Variants in WDR59 observed in about 807,000 individuals in gnomAD.
The protein encoded by WDR59 is WD repeat domain 59.
In WDR59, 100 loss-of-function variants were observed where a neutral mutation model predicts 131.2. That is an observed-to-expected ratio of 0.76 (90% CI 0.65 to 0.90). WDR59 has a LOEUF of 0.90. Ranked by LOEUF, WDR59 falls within the 40% of genes least tolerant of loss-of-function variation. The pLI, the probability that WDR59 is intolerant of heterozygous loss-of-function variation, is 0.00. For missense variants in WDR59, 1,203 were observed against 1,262.2 expected (o/e 0.95, Z 0.71); for synonymous variants, 601 against 466.2 (o/e 1.29, Z -3.72).
Position 74,874,326 on chromosome 16 carries a change from A to G in WDR59, c.2808T>C (p.Asn936=). Residue 936 remains asparagine (N), a synonymous_variant, in exon 26 of 26, where the codon AAT becomes AAC. Coordinates refer to ENST00000262144, the MANE Select transcript of WDR59 (RefSeq NM_030581.4). The stretch of plus-strand genomic sequence containing the variant: ...CACCGTGCCCACAGGTCAGGCAGAA[A>G]TTGGACGATCCCCGCACAGCCACGT... ...ICHVAVRGSS[N]FCLTCGHGGH... is the part of the protein sequence containing the mutation. 1 of 1,614,160 alleles carries G rather than the reference A, an allele frequency of 6.2e-7. No individual in the cohort carries two copies. Among genetic ancestry groups the G allele is most frequent in the Admixed American group, 1.7e-5 (1 of 60,022 alleles).
intron 13 of WDR59, chr16:74,915,577 A>ATT (rs57977057): frequency 3.2e-4 from 61 of 189,972 alleles, no homozygotes; most frequent in South Asian, 4.1e-4. Flanking sequence ...TTACAGGCTA[A>ATT]TTTTTTTTTT....
chr16:74,886,364 A>G lies in WDR59; in HGVS notation c.2452T>C (p.Trp818Arg). Residue 818 changes from tryptophan to arginine, a missense_variant, in exon 24 of 26, where the codon TGG (tryptophan) becomes CGG (arginine). Physicochemically the swap from Trp to Arg is moderately radical, Grantham distance 101. Coordinates refer to ENST00000262144, the MANE Select transcript of WDR59 (RefSeq NM_030581.4). The part of the protein sequence containing the change: ...GREAEHLSSP[W>R]GESSPEELRF... ...AGCTCTTCTGGTGAGGATTCTCCCC[A>G]AGGGGAGGACAAGTGCTCTGCCTCT... 1 of 1,613,832 alleles carries G rather than the reference A, an allele frequency of 6.2e-7. No homozygotes were observed. The highest frequency in any genetic ancestry group is 8.5e-7 in the Non-Finnish European group (1 of 1,179,952).
rs1303944826 is a variant in WDR59, at chr16:74,873,652, C to CA, written c.*556dup. The CA allele has an allele frequency of 2.7e-5, 4 of 146,246 alleles. No homozygotes were observed. Among genetic ancestry groups the CA allele is most frequent in the South Asian group, 2.2e-4 (1 of 4,630 alleles). 9.1% of individuals were successfully genotyped at this position (146,246 alleles called of 1,614,324 possible). A position where few individuals can be genotyped will look rare whatever the true frequency, so the allele number is the denominator to read the frequency against. On this transcript the variant is annotated 3_prime_UTR_variant, in exon 26 of 26. Coordinates refer to ENST00000262144, the MANE Select transcript of WDR59 (RefSeq NM_030581.4). ...GGGATAGCAGCTGGAGGAGAAATAA[C>CA]AAAAAAATACATCTTAAGAATCCTT...
intron 6 of WDR59, 32 bp from the exon 7 acceptor site, chr16:74,942,858 G>A (rs1371316548): frequency 1.3e-6 from 2 of 1,596,754 alleles, no homozygotes; most frequent in Non-Finnish European, 8.6e-7. Context: ...GAAAGCTGCT[G>A]CCCTTGGTGC....
intron 1 of WDR59, among the ~76,000 whole-genome samples, chr16:74,975,147 G>A (rs1258818537): frequency 6.6e-6 from 1 of 152,160 alleles, no homozygotes; most frequent in Non-Finnish European, 1.5e-5. Flanking sequence ...GATCACCTGA[G>A]GTCAGGAGTT....
At chr16:74,885,501 C>T (rs1195047507) in intron 25 of WDR59, 152 bp downstream of exon 25, 2 of 549,288 alleles carry the variant, frequency 3.6e-6, no homozygotes, top group East Asian at 9.8e-5. Context: ...AATGCAAGGG[C>T]TTTTCAGATG....
At chr16:74,911,326 G>A (rs886660561) in intron 14 of WDR59, among the ~76,000 whole-genome samples, 1 of 152,154 alleles carries the variant, frequency 6.6e-6, no homozygotes, top group Non-Finnish European at 1.5e-5. Flanking sequence ...TGGCATTTCA[G>A]AGATCCTTAA....
At chr16:74,914,129 G>A (rs893690776) in intron 13 of WDR59, among the ~76,000 whole-genome samples, 35 of 152,048 alleles carry the variant, frequency 2.3e-4, no homozygotes, top group Non-Finnish European at 8.8e-5. Flanking sequence ...GGAGAATCGC[G>A]TGAACCCGAG....
At position 74,916,529 on chromosome 16, in the gene WDR59, G is replaced by C. The variant is rs545185044; in HGVS notation, c.967-270C>G. Among the ~76,000 whole-genome samples the C allele has an allele frequency of 3.9e-5, 6 of 152,228 alleles. No individual in the cohort carries two copies. In the South Asian group the frequency reaches 1.2e-3, roughly 32 times the overall value. ...GAAAAAAAATTAATTTAAACTCCAA[G>C]CTTTGATGGAGTTATTCAGCTAATC... is the stretch of plus-strand genomic sequence containing the variant. On this transcript the variant is annotated intron_variant, in intron 11 of 25. Transcript: ENST00000262144.
chr16:74,973,323 C>G (rs1364521771), intron 1 of WDR59, among the ~76,000 whole-genome samples: 4 of 151,986 alleles, frequency 2.6e-5, no homozygotes, highest in African/African-American at 9.7e-5. Context: ...GGCGGGGGGG[C>G]CGGTCTCTCT....
chr16:74,981,139 G>C (rs2145261596), intron 1 of WDR59, among the ~76,000 whole-genome samples: 1 of 151,932 alleles, frequency 6.6e-6, no homozygotes, highest in East Asian at 1.9e-4. Flanking sequence ...GCTGAGGCGG[G>C]CGGATCACAA....
Position 74,873,959 on chromosome 16 carries a change from CAT to C in WDR59, c.*248_*249del, listed in dbSNP as rs1964078159. On this transcript the variant is annotated 3_prime_UTR_variant, in exon 26 of 26. Coordinates refer to ENST00000262144, the MANE Select transcript of WDR59 (RefSeq NM_030581.4). ...ACTTCCACCTTGGTAGCTCAGCCGACATAGACAACACACAAAGCGCAGCTCTG... is the reference window on the plus strand; with the variant it reads ...ACTTCCACCTTGGTAGCTCAGCCGACAGACAACACACAAAGCGCAGCTCTG... 4.0e-6 allele frequency: 2 copies of C among 498,178 alleles called. No homozygotes were observed. Among genetic ancestry groups the C allele is most frequent in the South Asian group, 4.9e-5 (2 of 41,146 alleles). The allele number at this position is 498,178 out of a possible 1,614,324, so 30.9% of individuals were successfully genotyped here. A position where few individuals can be genotyped will look rare whatever the true frequency, so the allele number is the denominator to read the frequency against.
At chr16:74,977,557 G>C (rs934380311) in intron 1 of WDR59, among the ~76,000 whole-genome samples, 2 of 152,096 alleles carry the variant, frequency 1.3e-5, no homozygotes, top group African/African-American at 4.8e-5. Flanking sequence ...GTGTGGTGGC[G>C]GGCGCATGTA....
At chr16:74,979,943 G>C (rs1056443605) in intron 1 of WDR59, among the ~76,000 whole-genome samples, 1 of 147,312 alleles carries the variant, frequency 6.8e-6, no homozygotes, top group African/African-American at 2.5e-5. Flanking sequence ...CCAACTCCTG[G>C]GCTCAAGCAA....
intron 2 of WDR59, among the ~76,000 whole-genome samples, chr16:74,965,042 C>T (rs555886435): frequency 6.6e-6 from 1 of 150,828 alleles, no homozygotes; most frequent in Non-Finnish European, 1.5e-5. Flanking sequence ...CCAGCCTGGG[C>T]GACAAGAGCA....
chr16:74,905,581 C>T lies in WDR59; in HGVS notation c.1713-1481G>A, dbSNP rs1263266967. 5.4e-5 allele frequency among the ~76,000 whole-genome samples: 8 copies of T among 149,044 alleles called. No individual in the cohort carries two copies. In the East Asian group the frequency reaches 1.4e-3, roughly 26 times the overall value. ...CCTGTAGTCCCAGCTACTCGGGAGG[C>T]TGAGGCAGAAGAATGGCATCAACCT... is the stretch of plus-strand genomic sequence containing the variant. On this transcript the variant is annotated intron_variant, in intron 17 of 25. Coordinates refer to ENST00000262144, the MANE Select transcript of WDR59 (RefSeq NM_030581.4).
intron 2 of WDR59, among the ~76,000 whole-genome samples, chr16:74,961,467 T>C (rs946597991): frequency 6.6e-6 from 1 of 152,198 alleles, no homozygotes; most frequent in Non-Finnish European, 1.5e-5. Flanking sequence ...TGTTGTTTCT[T>C]GACTTTTTAA....
intron 7 of WDR59, among the ~76,000 whole-genome samples, chr16:74,942,427 G>C (rs928804786): frequency 6.6e-6 from 1 of 152,162 alleles, no homozygotes; most frequent in Non-Finnish European, 1.5e-5. Context: ...CACACACACT[G>C]TTAGTGTCTT....
chr16:74,940,249 G>C (rs2032109619), intron 7 of WDR59, among the ~76,000 whole-genome samples: 1 of 151,726 alleles, frequency 6.6e-6, no homozygotes, highest in African/African-American at 2.4e-5. Flanking sequence ...CGTGGTGGTG[G>C]GCACCTGTAA....
Sources: allele counts gnomAD v4.1 joint callset (sites outside exome capture counted in the v4.1 genomes callset), GRCh38; gene constraint gnomAD v4.1.1; transcripts MANE v1.5; gene names NCBI Gene and HGNC (gene_info 2026-07-23, HGNC 2026-07-21).